DCUN1D4: variants seen among roughly 807,000 people sequenced by gnomAD.
The protein encoded by DCUN1D4 is defective in cullin neddylation 1 domain containing 4.
Under a neutral mutation model 47.9 loss-of-function variants are expected in DCUN1D4, and 22 were observed. The ratio of observed to expected loss-of-function variants is 0.46; its 90% confidence interval spans 0.33 to 0.66. The LOEUF is 0.66. Among genes scored for constraint, DCUN1D4 ranks in the 30% least tolerant of loss-of-function variants. The pLI, the probability that DCUN1D4 is intolerant of heterozygous loss-of-function variation, is 0.02. For synonymous variants in DCUN1D4, 121 were observed against 112.2 expected, an observed-to-expected ratio of 1.08 and a Z score of -0.50; for missense variants, 301 against 340.8, an observed-to-expected ratio of 0.88 and a Z score of 0.92.
intron 5 of DCUN1D4, among the ~76,000 whole-genome samples, chr4:51,878,964 C>A (rs1728114182): frequency 6.6e-6 from 1 of 152,166 alleles, no homozygotes; most frequent in African/African-American, 2.4e-5. Context: ...GTCTAGGTGG[C>A]TGGCACATAA....
intron 7 of DCUN1D4, among the ~76,000 whole-genome samples, chr4:51,895,553 T>C (rs1187669396): frequency 8.9e-5 from 8 of 89,632 alleles, no homozygotes; most frequent in Admixed American, 1.4e-4. Flanking sequence ...TTGTGGTGCT[T>C]AAACTTAAAA....
rs116782400 is a variant in DCUN1D4, at chr4:51,849,941, T to C, written c.25+6674T>C. The stretch of plus-strand genomic sequence containing the variant: ...CCAAATACCTTTTTAGTCAACATTA[T>C]TTAGGTATAATTTCACGTATTATAA... On this transcript the variant is annotated intron_variant, in intron 1 of 10. Coordinates refer to ENST00000334635, the MANE Select transcript of DCUN1D4 (RefSeq NM_001040402.3). Among the ~76,000 whole-genome samples the C allele has an allele frequency of 6.1e-3, 924 of 152,270 alleles. 6 individuals are homozygous for C. The highest frequency in any genetic ancestry group is 0.021 in the African/African-American group (865 of 41,542).
In DCUN1D4 at chr4:51,913,888, C is replaced by G; in HGVS notation, c.*304C>G. 3.6e-6 allele frequency: 1 copy of G among 279,650 alleles called. No individual in the cohort carries two copies. The allele number at this position is 279,650 out of a possible 1,614,324, so 17.3% of individuals were successfully genotyped here. A position where few individuals can be genotyped will look rare whatever the true frequency, so the allele number is the denominator to read the frequency against. ...TGTGTATAAAAGGAAAAAGGTTCAC[C>G]TAGAGATTATTTCTGAAAAATGTAT... On this transcript the variant is annotated 3_prime_UTR_variant, in exon 11 of 11. Coordinates refer to ENST00000334635, the MANE Select transcript of DCUN1D4 (RefSeq NM_001040402.3).
intron 5 of DCUN1D4, among the ~76,000 whole-genome samples, chr4:51,883,284 C>T (rs1577967353): frequency 6.6e-6 from 1 of 152,044 alleles, no homozygotes; most frequent in Non-Finnish European, 1.5e-5. Flanking sequence ...GCAAAAAGGT[C>T]CAGGAGGATA....
intron 1 of DCUN1D4, among the ~76,000 whole-genome samples, chr4:51,860,025 G>A (rs1372909146): frequency 6.6e-6 from 1 of 152,062 alleles, no homozygotes; most frequent in African/African-American, 2.4e-5. Context: ...AGATTTCAAG[G>A]GCTATTACTT....
upstream of DCUN1D4, chr4:51,843,076 G>A (rs1018679926): frequency 1.6e-5 from 23 of 1,404,022 alleles, no homozygotes; most frequent in African/African-American, 3.1e-4. Flanking sequence ...AGACGCAGCA[G>A]GGCGGCCCCT....
At chr4:51,834,809 C>T in the DCUN1D4 span, among the ~76,000 whole-genome samples, 39 of 152,210 alleles carry the variant, frequency 2.6e-4, no homozygotes, top group African/African-American at 8.4e-4. Flanking sequence ...GAGCAAATGA[C>T]GCACGTCTGA....
intron 4 of DCUN1D4, among the ~76,000 whole-genome samples, chr4:51,876,592 T>G (rs1438523394): frequency 6.6e-6 from 1 of 152,184 alleles, no homozygotes; most frequent in Non-Finnish European, 1.5e-5. Flanking sequence ...GATTATACAG[T>G]TGACTGTTGA....
intron 2 of DCUN1D4, 41 bp from the exon 3 acceptor site, chr4:51,863,629 G>A (rs778385219): frequency 1.7e-5 from 28 of 1,606,846 alleles, no homozygotes; most frequent in Middle Eastern, 1.7e-4. Flanking sequence ...AAATGCTAAC[G>A]GTATGTGATT....
At chr4:51,858,150 A>C (rs1049525431) in intron 1 of DCUN1D4, among the ~76,000 whole-genome samples, 1 of 152,210 alleles carries the variant, frequency 6.6e-6, no homozygotes, top group Non-Finnish European at 1.5e-5. Flanking sequence ...TTGACAAATA[A>C]TTGTATATAT....
At chr4:51,872,705 C>CT (rs1277417024) in intron 3 of DCUN1D4, among the ~76,000 whole-genome samples, 7 of 152,194 alleles carry the variant, frequency 4.6e-5, no homozygotes, top group African/African-American at 1.7e-4. Flanking sequence ...TAGCTGAGAG[C>CT]TTGGGCTTTG....
chr4:51,899,134 G>A (rs1260840933), intron 7 of DCUN1D4, 136 bp from the exon 8 acceptor site: 1 of 1,360,210 alleles, frequency 7.4e-7, no homozygotes, highest in Non-Finnish European at 9.5e-7. Flanking sequence ...TTTAAGTGTA[G>A]AAAAAATAGG....
intron 7 of DCUN1D4, among the ~76,000 whole-genome samples, chr4:51,893,410 T>TTTTTCTTTTC (rs374096991): frequency 7.9e-5 from 12 of 151,530 alleles, no homozygotes; most frequent in Non-Finnish European, 1.5e-4. Context: ...CATTGCTTCC[T>TTTTTCTTTTC]TTTTCTTTTC....
intron 3 of DCUN1D4, chr4:51,864,958 G>T (rs935597411): frequency 6.5e-6 from 1 of 153,988 alleles, no homozygotes; most frequent in African/African-American, 2.4e-5. Flanking sequence ...CCAGCACATG[G>T]TTTAACATTG....
the DCUN1D4 span, among the ~76,000 whole-genome samples, chr4:51,834,939 T>C: frequency 1.3e-5 from 2 of 152,226 alleles, no homozygotes; most frequent in Non-Finnish European, 2.9e-5. Flanking sequence ...AATCTGCTTA[T>C]CAAGGAAAAG....
the DCUN1D4 span, among the ~76,000 whole-genome samples, chr4:51,835,817 A>G: frequency 6.6e-6 from 1 of 151,928 alleles, no homozygotes; most frequent in Non-Finnish European, 1.5e-5. Context: ...TTCTGACTAG[A>G]CCCCTGTTTG....
At chr4:51,854,810 C>CA (rs1454918565) in intron 1 of DCUN1D4, among the ~76,000 whole-genome samples, 3 of 152,162 alleles carry the variant, frequency 2.0e-5, no homozygotes, top group African/African-American at 7.2e-5. Flanking sequence ...AGGTACAGGT[C>CA]AAGTGTCCTT....
chr4:51,907,703 T>C (rs17051669), intron 8 of DCUN1D4, among the ~76,000 whole-genome samples: 6,323 of 152,256 alleles, frequency 0.042, 448 homozygotes, highest in African/African-American at 0.14. Flanking sequence ...TCTTTTCCTC[T>C]TTTCATATGT....
intron 5 of DCUN1D4, among the ~76,000 whole-genome samples, chr4:51,882,456 G>A (rs1056301401): frequency 6.6e-6 from 1 of 152,132 alleles, no homozygotes; most frequent in Non-Finnish European, 1.5e-5. Context: ...AAATGCAGGC[G>A]GCTTGCTAGG....
Sources: allele counts gnomAD v4.1 joint callset (sites outside exome capture counted in the v4.1 genomes callset), GRCh38; gene constraint gnomAD v4.1.1; transcripts MANE v1.5; gene names NCBI Gene and HGNC (gene_info 2026-07-23, HGNC 2026-07-21).